DSC1: variants seen among roughly 807,000 people sequenced by gnomAD.
DSC1 encodes the protein desmocollin-1.
In DSC1, 79 loss-of-function variants were observed where a neutral mutation model predicts 98.8. The ratio of observed to expected loss-of-function variants is 0.80; its 90% CI spans 0.67 to 0.96. The LOEUF is 0.96. DSC1 is among the 50% of genes least tolerant of loss of function. The probability of loss-of-function intolerance (pLI) is 0.00; values close to 1 mark genes in which losing one functional copy is unlikely to be tolerated. For missense variants in DSC1, 1,115 were observed against 1,075.9 expected (o/e 1.04, Z -0.51); for synonymous variants, 405 against 372.1 (o/e 1.09, Z -1.02).
chr18:31,130,485 T>C lies in DSC1; in HGVS notation c.*29A>G. 6.2e-7 allele frequency: 1 copy of C among 1,609,998 alleles called. No individual in the cohort carries two copies. Among genetic ancestry groups the C allele is most frequent in the Non-Finnish European group, 8.5e-7 (1 of 1,176,684 alleles). ...AGTAATAAATTCCTACTTATGCATCTGTGGATATTACACTATTAAAAGGCA... is the reference window on the plus strand; with the variant it reads ...AGTAATAAATTCCTACTTATGCATCCGTGGATATTACACTATTAAAAGGCA... On this transcript the variant is annotated 3_prime_UTR_variant, in exon 16 of 16. Coordinates refer to ENST00000257198, the MANE Select transcript of DSC1 (RefSeq NM_024421.2).
rs1988959128 is a variant in DSC1, at chr18:31,150,336, C to CTAT, written c.628-1695_628-1694insATA. Among the ~76,000 whole-genome samples the CTAT allele has an allele frequency of 3.4e-4, 11 of 32,500 alleles. 1 individual carries two copies. The highest frequency in any genetic ancestry group is 2.0e-3 in the East Asian group (2 of 1,014). The allele number at this position is 32,500 out of a possible 152,430, so 21.3% of individuals were successfully genotyped here. A position where few individuals can be genotyped will look rare whatever the true frequency, so the allele number is the denominator to read the frequency against. On this transcript the variant is annotated intron_variant, in intron 5 of 15. Coordinates refer to ENST00000257198, the MANE Select transcript of DSC1 (RefSeq NM_024421.2). Reference sequence around the variant, plus strand: ...ACTACTACCATCATCACCACCACCACTACCATCACCACCACCACCACCATC... The same window carrying CTAT: ...ACTACTACCATCATCACCACCACCACTATTACCATCACCACCACCACCACCATC...
intron 13 of DSC1, among the ~76,000 whole-genome samples, chr18:31,133,341 T>C (rs1227858298): frequency 6.6e-6 from 1 of 152,116 alleles, no homozygotes; most frequent in Non-Finnish European, 1.5e-5. Flanking sequence ...AAATAACAGT[T>C]TGCACAATGC....
At chr18:31,157,319 G>A (rs1989116927) in intron 3 of DSC1, 52 bp downstream of exon 3, 2 of 1,550,086 alleles carry the variant, frequency 1.3e-6, no homozygotes, top group Non-Finnish European at 1.8e-6. Flanking sequence ...AAACACGAAG[G>A]ACTCCCGTAA....
chr18:31,150,312 C>G (rs1988954914), intron 5 of DSC1, among the ~76,000 whole-genome samples: 2 of 26,370 alleles, frequency 7.6e-5, no homozygotes, highest in Non-Finnish European at 1.6e-4. Flanking sequence ...ATCACCACCA[C>G]TACTACCATC....
chr18:31,136,835 G>A (rs549068163), intron 11 of DSC1, among the ~76,000 whole-genome samples: 1 of 152,132 alleles, frequency 6.6e-6, no homozygotes, highest in African/African-American at 2.4e-5. Flanking sequence ...AATTACAAGA[G>A]GTTGATGGTA....
At chr18:31,134,874 T>G in intron 11 of DSC1, 90 bp from the exon 12 acceptor site, 1 of 1,247,252 alleles carries the variant, frequency 8.0e-7, no homozygotes, top group Non-Finnish European at 1.1e-6. Context: ...ATCTGCTTTC[T>G]ACTAGCTGTC....
At chr18:31,149,205 G>C (rs12608367) in intron 5 of DSC1, among the ~76,000 whole-genome samples, 35,640 of 152,034 alleles carry the variant, frequency 0.23, 4,694 homozygotes, top group East Asian at 0.56. Context: ...AATGTCCTTT[G>C]CCTTTAAACT....
chr18:31,161,292 T>C (rs1598634071), intron 1 of DSC1, among the ~76,000 whole-genome samples: 1 of 152,082 alleles, frequency 6.6e-6, no homozygotes, highest in East Asian at 1.9e-4. Flanking sequence ...CACTCATATA[T>C]GTAGTCCATC....
chr18:31,162,788 CT>C lies in DSC1; in HGVS notation c.-195del, dbSNP rs1318810689. ...GAGCAACGGGAGAATTTCTTTCCCC[CT>C]ATTCCCTGGCCAGTCTCCTTCCTTC... On this transcript the variant is annotated 5_prime_UTR_variant, in exon 1 of 16. In the 5' UTR this introduces an upstream ATG that the reference lacks. Coordinates refer to ENST00000257198, the MANE Select transcript of DSC1 (RefSeq NM_024421.2). 5 of 575,214 alleles carry C rather than the reference CT, an allele frequency of 8.7e-6. No homozygotes were observed. The highest frequency in any genetic ancestry group is 7.5e-5 in the African/African-American group (4 of 53,008). The allele number at this position is 575,214 out of a possible 1,614,324, so 35.6% of individuals were successfully genotyped here. A position where few individuals can be genotyped will look rare whatever the true frequency, so the allele number is the denominator to read the frequency against.
intron 3 of DSC1, among the ~76,000 whole-genome samples, chr18:31,157,030 C>T (rs1306674134): frequency 6.6e-6 from 1 of 152,214 alleles, no homozygotes. Flanking sequence ...CCCACATCTC[C>T]AGCCTGAATC....
At chr18:31,134,439 A>C in intron 12 of DSC1, 133 bp downstream of exon 12, 2 of 862,080 alleles carry the variant, frequency 2.3e-6, no homozygotes, top group Non-Finnish European at 3.5e-6. Flanking sequence ...TTTAAAGATT[A>C]GGTATTGTTG....
At chr18:31,139,033 A>G (rs919605920) in intron 11 of DSC1, among the ~76,000 whole-genome samples, 2 of 151,994 alleles carry the variant, frequency 1.3e-5, no homozygotes, top group African/African-American at 4.8e-5. Context: ...ATACATTAGT[A>G]TAATAGTACA....
chr18:31,144,930 C>CTTTTTTTT (rs1170980389), intron 7 of DSC1, among the ~76,000 whole-genome samples: 1 of 124,740 alleles, frequency 8.0e-6, no homozygotes, highest in African/African-American at 3.2e-5. Flanking sequence ...TCTGTATTTT[C>CTTTTTTTT]TTTTTCTTTC....
In DSC1 at chr18:31,157,396, A is replaced by T; in HGVS notation, c.326T>A (p.Val109Asp). The T allele has an allele frequency of 6.2e-7, 1 of 1,614,168 alleles. No individual in the cohort carries two copies. Among genetic ancestry groups the T allele is most frequent in the Non-Finnish European group, 8.5e-7 (1 of 1,180,010 alleles). ...CTTGTTTTCTCTTGCTGACAGTACA[A>T]CTTTTATCTCTTGTTGTTCCCGTCT... ...GQRREQQEIK[V>D]VLSARENKSP... Residue 109 changes from valine to aspartate, a missense_variant, in exon 3 of 16, where the codon GTT (valine) becomes GAT (aspartate). Transcript: ENST00000257198.
chr18:31,155,450 C>T (rs1040669886), intron 4 of DSC1, among the ~76,000 whole-genome samples: 2 of 151,830 alleles, frequency 1.3e-5, no homozygotes, highest in East Asian at 3.9e-4. Flanking sequence ...GTCAACATGG[C>T]GAAACCTTGC....
chr18:31,156,204 ATTTT>A, intron 3 of DSC1, 42 bp from the exon 4 acceptor site: 1 of 1,591,030 alleles, frequency 6.3e-7, no homozygotes, highest in Non-Finnish European at 8.5e-7. Context: ...ATTGCTTATC[ATTTT>A]TTGGAACTGT....
intron 1 of DSC1, 50 bp from the exon 2 acceptor site, chr18:31,159,579 T>G: frequency 6.7e-7 from 1 of 1,500,066 alleles, no homozygotes; most frequent in East Asian, 2.3e-5. Flanking sequence ...TGATCACAAA[T>G]TTTCACATTG....
intron 15 of DSC1, chr18:31,131,368 A>G: frequency 1.7e-6 from 1 of 585,936 alleles, no homozygotes; most frequent in South Asian, 2.0e-5. Context: ...AAACACATCT[A>G]CATATGGCAC....
chr18:31,134,780 G>A lies in DSC1; in HGVS notation c.1668C>T (p.Gly556=). ...CTACTAATGTTCCAGTGCAAGATCG[G>A]CCAACTAAGATTAATTAAAAATAGG... The part of the protein sequence containing the change: ...NISVVAVDAV[G]RSCTGTLVVH... Residue 556 remains glycine, a synonymous_variant, in exon 12 of 16, where the codon GGC becomes GGT. Coordinates refer to ENST00000257198, the MANE Select transcript of DSC1 (RefSeq NM_024421.2). 1 of 1,605,036 alleles carries A rather than the reference G, an allele frequency of 6.2e-7. No homozygotes were observed. Among genetic ancestry groups the A allele is most frequent in the Non-Finnish European group, 8.5e-7 (1 of 1,173,320 alleles).
Sources: allele counts gnomAD v4.1 joint callset (sites outside exome capture counted in the v4.1 genomes callset), GRCh38; gene constraint gnomAD v4.1.1; transcripts MANE v1.5; gene names NCBI Gene and HGNC (gene_info 2026-07-23, HGNC 2026-07-21).